The following ABHD12 variants were observed in gnomAD, a reference collection of about 807,000 sequenced individuals.
ABHD12 encodes the protein lysophosphatidylserine lipase ABHD12.
Under a neutral mutation model 58.3 loss-of-function variants are expected in ABHD12, and 43 were observed. That is an observed-to-expected ratio of 0.74 (90% CI 0.58 to 0.95). The LOEUF is 0.95. ABHD12 is among the 40% of genes least tolerant of loss of function. The pLI, the probability that ABHD12 is intolerant of heterozygous loss-of-function variation, is 0.00. For missense variants in ABHD12, 539 were observed against 537.2 expected, an observed-to-expected ratio of 1.00 and a Z score of -0.03; for synonymous variants, 219 against 211.2, an observed-to-expected ratio of 1.04 and a Z score of -0.32.
downstream of ABHD12, chr20:25,300,057 A>T: frequency 2.7e-6 from 1 of 374,752 alleles, no homozygotes; most frequent in Non-Finnish European, 3.7e-6. Context: ...AAAACTTCCT[A>T]CTCCTGGCAA....
intron 1 of ABHD12, among the ~76,000 whole-genome samples, chr20:25,380,451 T>C (rs2090009530): frequency 1.3e-5 from 2 of 152,168 alleles, no homozygotes; most frequent in Non-Finnish European, 2.9e-5. Flanking sequence ...CTAATATCAC[T>C]GCTAAGAAAA....
chr20:25,346,641 A>G (rs747934791), intron 1 of ABHD12, among the ~76,000 whole-genome samples: 4 of 152,148 alleles, frequency 2.6e-5, no homozygotes, highest in African/African-American at 4.8e-5. Flanking sequence ...GCTCTAAAAA[A>G]TAAAGTTTAT....
chr20:25,389,819 G>C (rs1324594889), intron 1 of ABHD12: 3 of 152,230 alleles, frequency 2.0e-5, no homozygotes, highest in East Asian at 3.8e-4. Flanking sequence ...TCCCTCCGAC[G>C]GCTGCGATGC....
At chr20:25,318,675 TTTTTAAC>T (rs2089009143) in intron 4 of ABHD12, among the ~76,000 whole-genome samples, 1 of 152,054 alleles carries the variant, frequency 6.6e-6, no homozygotes, top group African/African-American at 2.4e-5. Context: ...TTTTTTTTTT[TTTTTAAC>T]CATGTGATGG....
chr20:25,307,010 G>A (rs57169172), intron 9 of ABHD12, 95 bp from the exon 10 acceptor site: 1 of 927,462 alleles, frequency 1.1e-6, no homozygotes, highest in South Asian at 1.4e-5. Flanking sequence ...AAATCTATAA[G>A]GCGTTGCCCA....
downstream of ABHD12, chr20:25,297,691 G>T: frequency 6.6e-6 from 1 of 152,398 alleles, no homozygotes; most frequent in Non-Finnish European, 1.5e-5. Context: ...CCTTCCCTGT[G>T]GAATTGCCGA....
intron 2 of ABHD12, among the ~76,000 whole-genome samples, chr20:25,335,118 AAAC>A (rs1298770418): frequency 2.0e-3 from 306 of 152,082 alleles, no homozygotes; most frequent in African/African-American, 6.8e-3. Flanking sequence ...AGAAAAAAAC[AAAC>A]AACCCCATCA....
chr20:25,351,804 G>A (rs2089603450), intron 1 of ABHD12, among the ~76,000 whole-genome samples: 1 of 152,010 alleles, frequency 6.6e-6, no homozygotes, highest in Non-Finnish European at 1.5e-5. Context: ...GGGAGGCTGA[G>A]GCAGGAGAAC....
chr20:25,296,390 G>A (rs748035354), downstream of ABHD12: 1 of 1,614,086 alleles, frequency 6.2e-7, no homozygotes, highest in South Asian at 1.1e-5. Context: ...AGTGGACCAA[G>A]AAGGTCATCA....
Position 25,300,966 on chromosome 20 carries a change from GGAAGCA to G in ABHD12, c.1158-88_1158-83del, listed in dbSNP as rs1340657348. ...CCACAGTCCTCACACTGCTATCTAA[GGAAGCA>G]GAGGCTGTGCAGAGAGGAGGCAGCC... On this transcript the variant is annotated intron_variant, in intron 12 of 12. Coordinates refer to ENST00000339157, the MANE Select transcript of ABHD12 (RefSeq NM_001042472.3). The G allele has an allele frequency of 5.9e-5, 85 of 1,436,816 alleles. 1 individual carries two copies. Among genetic ancestry groups the G allele is most frequent in the South Asian group, 4.6e-4 (39 of 84,052 alleles). 89.0% of individuals were successfully genotyped at this position (1,436,816 alleles called of 1,614,324 possible).
chr20:25,316,577 C>T (rs1274663823), intron 5 of ABHD12, among the ~76,000 whole-genome samples: 1 of 152,258 alleles, frequency 6.6e-6, no homozygotes, highest in Non-Finnish European at 1.5e-5. Flanking sequence ...GATGTTGGGG[C>T]CCAGGCCTAG....
rs775502936 is a variant in ABHD12 at position 25,323,335 on chromosome 20, T to C, written c.412A>G (p.Ile138Val). The part of the protein sequence containing the change: ...YYLQPEEDVT[I>V]GVWHTVPAVW... ...CTCACTGGCACTCACCAGACTCCAATGGTCACGTCTTCCTCTGGCTGCAGG... is the reference window on the plus strand; with the variant it reads ...CTCACTGGCACTCACCAGACTCCAACGGTCACGTCTTCCTCTGGCTGCAGG... The change falls in exon 3 of 13, where the codon ATT becomes GTT. Residue 138 changes from isoleucine (I) to valine (V), a missense_variant. By Grantham distance (29) the Ile-to-Val change is conservative. Coordinates refer to ENST00000339157, the MANE Select transcript of ABHD12 (RefSeq NM_001042472.3). 2.5e-6 allele frequency: 4 copies of C among 1,613,122 alleles called. No homozygotes were observed. In the South Asian group the frequency reaches 4.4e-5, roughly 18 times the overall value.
At position 25,312,327 on chromosome 20, in the gene ABHD12, C is replaced by T. The variant is rs541210975; in HGVS notation, c.619+2598G>A. On this transcript the variant is annotated intron_variant, in intron 6 of 12. Transcript: ENST00000339157. ...CCGAGTGCCTGTGATTGCAGCAGCG[C>T]GCTGCCATGCCTGACTGGTTTTCGT... is the stretch of plus-strand genomic sequence containing the variant. 1.2e-3 allele frequency among the ~76,000 whole-genome samples: 182 copies of T among 152,238 alleles called. 1 individual carries two copies. The highest frequency in any genetic ancestry group is 4.1e-3 in the African/African-American group (170 of 41,546).
chr20:25,378,472 G>A (rs767962719), intron 1 of ABHD12, among the ~76,000 whole-genome samples: 1 of 152,162 alleles, frequency 6.6e-6, no homozygotes, highest in Non-Finnish European at 1.5e-5. Flanking sequence ...AGTGGCAAAG[G>A]TCAAGGATGA....
chr20:25,352,036 G>C (rs2089607090), intron 1 of ABHD12, among the ~76,000 whole-genome samples: 1 of 152,206 alleles, frequency 6.6e-6, no homozygotes, highest in South Asian at 2.1e-4. Flanking sequence ...CTGAAGCCCA[G>C]GCTGGAGTGC....
intron 1 of ABHD12, among the ~76,000 whole-genome samples, chr20:25,373,869 G>A (rs893647364): frequency 2.6e-5 from 4 of 152,016 alleles, no homozygotes; most frequent in African/African-American, 9.7e-5. Context: ...TCTTCTTTGA[G>A]GACTTTAATT....
rs2090165344 is a variant in ABHD12 at position 25,390,722 on chromosome 20, A to AGCCGCCGACGGCGCCC, written c.-35_-20dup. ...TCCTCATCCCGCGGCCGACAGGGCC[A>AGCCGCCGACGGCGCCC]GCCGCCGACGGCGCCCGCTGGCCTG... On this transcript the variant is annotated 5_prime_UTR_variant, in exon 1 of 13. Transcript: ENST00000339157. 7.6e-7 allele frequency: 1 copy of AGCCGCCGACGGCGCCC among 1,319,258 alleles called. No individual in the cohort carries two copies. The highest frequency in any genetic ancestry group is 1.7e-5 in the African/African-American group (1 of 57,500). 81.7% of individuals were successfully genotyped at this position (1,319,258 alleles called of 1,614,324 possible).
chr20:25,302,900 C>T (rs1213401894), intron 11 of ABHD12, among the ~76,000 whole-genome samples: 7 of 152,138 alleles, frequency 4.6e-5, no homozygotes, highest in Admixed American at 2.0e-4. Flanking sequence ...GGGCTGAATC[C>T]GTGGACGAGG....
At chr20:25,314,046 C>A (rs1382201667) in intron 6 of ABHD12, among the ~76,000 whole-genome samples, 1 of 151,232 alleles carries the variant, frequency 6.6e-6, no homozygotes, top group Non-Finnish European at 1.5e-5. Flanking sequence ...AGTCTCGGCT[C>A]ACTGCAAGCT....
Sources: gnomAD v4.1 joint callset for allele counts (sites outside exome capture counted in the v4.1 genomes callset) on GRCh38, gnomAD v4.1.1 for gene constraint, MANE v1.5 for transcripts, NCBI Gene and HGNC (gene_info 2026-07-23, HGNC 2026-07-21) for gene names.